The following DENND4C variants were observed in gnomAD, a reference collection of about 807,000 sequenced individuals.
The protein encoded by DENND4C is DENN domain containing 4C, also known as DENN domain-containing protein 4C.
A neutral mutation model predicts 203.0 loss-of-function variants in DENND4C; 108 were observed. The observed-to-expected ratio is 0.53, with a 90% CI of 0.46 to 0.62. The LOEUF is 0.62. Ranked by LOEUF, DENND4C falls within the 20% of genes least tolerant of loss-of-function variation. The probability of loss-of-function intolerance (pLI) is 0.00; values close to 1 mark genes in which losing one functional copy is unlikely to be tolerated. For synonymous variants in DENND4C, 871 were observed against 792.4 expected, an observed-to-expected ratio of 1.10 and a Z score of -1.67; for missense variants, 2,481 against 2,301.2, an observed-to-expected ratio of 1.08 and a Z score of -1.60.
intron 21 of DENND4C, among the ~76,000 whole-genome samples, chr9:19,341,699 CT>C (rs2131935113): frequency 6.6e-6 from 1 of 152,294 alleles, no homozygotes; most frequent in South Asian, 2.1e-4. Flanking sequence ...TACATAGCTA[CT>C]TTTGACAGAA....
intron 1 of DENND4C, among the ~76,000 whole-genome samples, chr9:19,245,124 G>A (rs1417686433): frequency 6.6e-6 from 1 of 152,146 alleles, no homozygotes. Context: ...AATATTGATA[G>A]TAGTGGGCCA....
chr9:19,359,210 CATT>C (rs1325048852), intron 28 of DENND4C, among the ~76,000 whole-genome samples: 1 of 151,662 alleles, frequency 6.6e-6, no homozygotes, highest in Non-Finnish European at 1.5e-5. Flanking sequence ...AATAGGGTAT[CATT>C]ATGAGCTCAT....
intron 22 of DENND4C, among the ~76,000 whole-genome samples, chr9:19,345,299 A>G: frequency 6.6e-6 from 1 of 152,242 alleles, no homozygotes. Flanking sequence ...ACTTCTGTGA[A>G]GGCTAGGATT....
At chr9:19,319,340 A>T (rs12338601) in intron 12 of DENND4C, among the ~76,000 whole-genome samples, 2 of 39,576 alleles carry the variant, frequency 5.1e-5, no homozygotes, top group Non-Finnish European at 1.0e-4. Context: ...ATATATACAC[A>T]TATATATATA....
rs1189025309 is a variant in DENND4C, at chr9:19,276,500, T to C, written c.305+21T>C. 2.4e-6 allele frequency: 3 copies of C among 1,226,896 alleles called. No homozygotes were observed. The African/African-American group carries it at 4.7e-5, about 19-fold the overall frequency. The allele number at this position is 1,226,896 out of a possible 1,614,324, so 76.0% of individuals were successfully genotyped here. A position where few individuals can be genotyped will look rare whatever the true frequency, so the allele number is the denominator to read the frequency against. On this transcript the variant is annotated intron_variant, in intron 2 of 32. Transcript: ENST00000434457. The stretch of plus-strand genomic sequence containing the variant: ...ATTGGGTATGGTGACTTCTTTTCTT[T>C]GCTATAGTGAAGGAGTAAAATTTAT...
chr9:19,272,911 GCA>G lies in DENND4C; in HGVS notation c.-17-3244_-17-3243del, dbSNP rs1332899406. Among the ~76,000 whole-genome samples the G allele has an allele frequency of 3.0e-3, 448 of 148,944 alleles. 8 individuals carry two copies. Among genetic ancestry groups the G allele is most frequent in the African/African-American group, 0.01 (417 of 40,102 alleles). ...GCCTCCTGAGTAGCTGGGATTTCAGGCACATGCCACTACGCCTGGCTAATTTT... is the reference window on the plus strand; with the variant it reads ...GCCTCCTGAGTAGCTGGGATTTCAGGCATGCCACTACGCCTGGCTAATTTT... On this transcript the variant is annotated intron_variant, in intron 1 of 32. Coordinates refer to ENST00000434457, the MANE Select transcript of DENND4C (RefSeq NM_001330640.2).
At chr9:19,352,782 T>A (rs1209342026) in intron 26 of DENND4C, 117 bp downstream of exon 26, 1 of 711,846 alleles carries the variant, frequency 1.4e-6, no homozygotes, top group Non-Finnish European at 2.1e-6. Context: ...GTCCTTCACC[T>A]TCAGTATTTG....
intron 9 of DENND4C, among the ~76,000 whole-genome samples, chr9:19,302,517 T>G (rs966270492): frequency 6.6e-6 from 1 of 152,264 alleles, no homozygotes. Flanking sequence ...TGAGTGATAG[T>G]TGCAGATGTA....
intron 5 of DENND4C, among the ~76,000 whole-genome samples, chr9:19,292,017 A>C (rs2131187417): frequency 6.6e-6 from 1 of 151,818 alleles, no homozygotes; most frequent in East Asian, 1.9e-4. Flanking sequence ...GTAAATAAAT[A>C]AATAATCCCA....
rs746386481 is a variant in DENND4C at position 19,336,733 on chromosome 9, G to T, written c.2782G>T (p.Gly928Cys). The change falls in exon 20 of 33, where the codon GGT becomes TGT. Residue 928 changes from glycine (G) to cysteine (C), a missense_variant. Physicochemically the swap from Gly to Cys is radical, Grantham distance 159 (BLOSUM62 -3). This residue lies in a region of DENND4C where 2,289 missense variants were observed against 2,113.3 expected (regional missense o/e 1.08). Coordinates refer to ENST00000434457, the MANE Select transcript of DENND4C (RefSeq NM_001330640.2). ...GGSDGDTVSH[G>C]SVDSSNDANN... The stretch of plus-strand genomic sequence containing the variant: ...AAGTGATGGGGACACGGTGAGCCAC[G>T]GTAGTGTGGATAGTTCTAATGATGC... 1 of 1,550,920 alleles carries T rather than the reference G, an allele frequency of 6.4e-7. No individual in the cohort carries two copies. Among genetic ancestry groups the T allele is most frequent in the Non-Finnish European group, 8.7e-7 (1 of 1,147,074 alleles).
rs529711280 is a variant in DENND4C, at chr9:19,288,676, TAAAA to T, written c.628+16_628+19del. The T allele has an allele frequency of 1.6e-6, 2 of 1,228,392 alleles. No individual in the cohort carries two copies. Among genetic ancestry groups the T allele is most frequent in the Non-Finnish European group, 2.0e-6 (2 of 984,998 alleles). 76.1% of individuals were successfully genotyped at this position (1,228,392 alleles called of 1,614,324 possible). A position where few individuals can be genotyped will look rare whatever the true frequency, so the allele number is the denominator to read the frequency against. On this transcript the variant is annotated intron_variant, in intron 4 of 32. Transcript: ENST00000434457. ...TAGCATATAAGGCTGGTAAGTGAGTTAAAAAAAATTGTCTCAATTGCTATAGTTA... is the reference window on the plus strand; with the variant it reads ...TAGCATATAAGGCTGGTAAGTGAGTTAAAATTGTCTCAATTGCTATAGTTA...
At chr9:19,307,301 G>C (rs1839876201) in intron 10 of DENND4C, among the ~76,000 whole-genome samples, 1 of 150,360 alleles carries the variant, frequency 6.7e-6, no homozygotes, top group Admixed American at 6.7e-5. Flanking sequence ...CAGCTGAGGA[G>C]GAAAGATCAC....
At chr9:19,322,364 G>A (rs1843017447) in intron 12 of DENND4C, among the ~76,000 whole-genome samples, 1 of 152,114 alleles carries the variant, frequency 6.6e-6, no homozygotes, top group South Asian at 2.1e-4. Flanking sequence ...AGAGCAGAGG[G>A]GTTGAGAGTA....
intron 23 of DENND4C, 75 bp downstream of exon 23, chr9:19,347,161 T>A: frequency 7.2e-7 from 1 of 1,388,548 alleles, no homozygotes; most frequent in East Asian, 2.3e-5. Flanking sequence ...ATATGTATTC[T>A]TGTTCAGAGA....
At chr9:19,273,462 TG>T (rs1244189561) in intron 1 of DENND4C, among the ~76,000 whole-genome samples, 1 of 152,008 alleles carries the variant, frequency 6.6e-6, no homozygotes, top group Non-Finnish European at 1.5e-5. Context: ...CAAAAACCTC[TG>T]TTTTTCATAA....
intron 1 of DENND4C, among the ~76,000 whole-genome samples, chr9:19,231,854 C>A (rs868027605): frequency 4.0e-5 from 6 of 151,630 alleles, no homozygotes; most frequent in Admixed American, 2.6e-4. Context: ...TTGAGGCGTT[C>A]TTCCTAGGCC....
intron 1 of DENND4C, among the ~76,000 whole-genome samples, chr9:19,265,822 A>G (rs2130740524): frequency 6.6e-6 from 1 of 152,324 alleles, no homozygotes; most frequent in Non-Finnish European, 1.5e-5. Context: ...CATGGTGTAT[A>G]TGTGCCACAT....
intron 9 of DENND4C, among the ~76,000 whole-genome samples, chr9:19,301,494 G>T (rs1002793705): frequency 6.6e-6 from 1 of 152,232 alleles, no homozygotes; most frequent in African/African-American, 2.4e-5. Flanking sequence ...AAGAAGTGCT[G>T]TTAGGACTGA....
intron 27 of DENND4C, 95 bp from the exon 28 acceptor site, chr9:19,357,870 T>G: frequency 1.0e-6 from 1 of 973,902 alleles, no homozygotes; most frequent in East Asian, 2.6e-5. Flanking sequence ...ATATATTTAG[T>G]AGACTCAAGG....
Sources: gnomAD v4.1 joint callset for allele counts (sites outside exome capture counted in the v4.1 genomes callset) on GRCh38, gnomAD v4.1.1 for gene constraint, gnomAD v4.1.1 regional missense constraint, MANE v1.5 for transcripts, NCBI Gene and HGNC (gene_info 2026-07-23, HGNC 2026-07-21) for gene names.